Variants in CEP290 observed in about 807,000 individuals in gnomAD.
The protein encoded by CEP290 is centrosomal protein 290.
CEP290 carries 317 observed loss-of-function variants against 344.9 expected under a neutral mutation model. The ratio of observed to expected loss-of-function variants is 0.92; its 90% CI spans 0.84 to 1.01. CEP290 has a LOEUF of 1.01. Ranked by LOEUF, CEP290 falls within the 50% of genes least tolerant of loss-of-function variation. The pLI is 0.00. For synonymous variants in CEP290, 932 were observed against 895.8 expected (o/e 1.04, Z -0.72); for missense variants, 2,754 against 2,761.4 (o/e 1.00, Z 0.06).
intron 26 of CEP290, among the ~76,000 whole-genome samples, chr12:88,097,384 G>A (rs1159449306): frequency 6.6e-6 from 1 of 151,842 alleles, no homozygotes; most frequent in Non-Finnish European, 1.5e-5. Flanking sequence ...TTTCCCCTTT[G>A]CTCGGCTCAC....
chr12:88,072,557 T>C (rs531232066), intron 41 of CEP290, among the ~76,000 whole-genome samples: 12 of 152,302 alleles, frequency 7.9e-5, no homozygotes, highest in Admixed American at 2.0e-4. Flanking sequence ...TTCAGGAGCC[T>C]TTAAATGAAG....
At chr12:88,140,298 T>A (rs1183309847) in intron 3 of CEP290, among the ~76,000 whole-genome samples, 1 of 152,210 alleles carries the variant, frequency 6.6e-6, no homozygotes, top group Non-Finnish European at 1.5e-5. Flanking sequence ...CTACATAATA[T>A]ACTCAGTTTT....
intron 47 of CEP290, among the ~76,000 whole-genome samples, chr12:88,060,241 T>G (rs1331537791): frequency 6.6e-6 from 1 of 152,190 alleles, no homozygotes; most frequent in Non-Finnish European, 1.5e-5. Context: ...TACATATCTG[T>G]GTCAGGACCC....
At chr12:88,051,572 G>A (rs2033537201) in intron 52 of CEP290, 1 of 152,070 alleles carries the variant, frequency 6.6e-6, no homozygotes, top group Admixed American at 6.6e-5. Context: ...AAACAGTTCT[G>A]GTTTGATCTT....
intron 44 of CEP290, among the ~76,000 whole-genome samples, chr12:88,068,175 A>G (rs960610388): frequency 2.0e-5 from 3 of 152,194 alleles, no homozygotes; most frequent in African/African-American, 7.2e-5. Context: ...AAAATATAGC[A>G]TAAATATTTG....
intron 43 of CEP290, among the ~76,000 whole-genome samples, chr12:88,069,253 T>C (rs540806941): frequency 3.3e-5 from 5 of 152,166 alleles, no homozygotes; most frequent in Non-Finnish European, 7.4e-5. Flanking sequence ...TCCTCTTTGA[T>C]ATGCCCCTCC....
At chr12:88,140,850 A>G (rs957556986) in intron 3 of CEP290, 106 bp downstream of exon 3, 2 of 666,354 alleles carry the variant, frequency 3.0e-6, no homozygotes, top group East Asian at 3.1e-5. Context: ...TTTAGTGGTG[A>G]TGTAGATATT....
chr12:88,132,119 A>G (rs1343916419), intron 6 of CEP290, among the ~76,000 whole-genome samples: 1 of 152,226 alleles, frequency 6.6e-6, no homozygotes, highest in African/African-American at 2.4e-5. Flanking sequence ...AATAGCAAAA[A>G]GTAATACAGC....
At chr12:88,095,896 T>C (rs1419751661) in intron 27 of CEP290, among the ~76,000 whole-genome samples, 2 of 152,226 alleles carry the variant, frequency 1.3e-5, no homozygotes, top group Admixed American at 6.5e-5. Context: ...AAGATTTCAA[T>C]ACCTTCTGAG....
chr12:88,092,399 A>C (rs930382514), intron 29 of CEP290, among the ~76,000 whole-genome samples: 6 of 152,090 alleles, frequency 3.9e-5, no homozygotes, highest in Non-Finnish European at 8.8e-5. Context: ...CCCCTTCCCC[A>C]AAAAATCAAT....
intron 20 of CEP290, among the ~76,000 whole-genome samples, chr12:88,112,734 T>C (rs1287221145): frequency 1.3e-5 from 2 of 152,062 alleles, no homozygotes; most frequent in Non-Finnish European, 2.9e-5. Context: ...CTCTAGGTAG[T>C]AGATTTGTAA....
rs1592639705 is a variant in CEP290, at chr12:88,120,124, T to C, written c.1512A>G (p.Arg504=). 5 of 1,544,112 alleles carry C rather than the reference T, an allele frequency of 3.2e-6. No homozygotes were observed. The highest frequency in any genetic ancestry group is 2.6e-6 in the Non-Finnish European group (3 of 1,143,860). The change falls in exon 15 of 54, where the codon AGA becomes AGG. Residue 504 remains arginine (R), a synonymous_variant. Coordinates refer to ENST00000552810, the MANE Select transcript of CEP290 (RefSeq NM_025114.4). ...TAAAACATGGCTTACCCACACGCTC[T>C]CTAAGTGCCTCATTTTCATCAAGGA... The part of the protein sequence containing the change: ...SDFLDENEAL[R]ERVGLEPKTM...
chr12:88,089,967 C>T (rs373660607), intron 30 of CEP290, among the ~76,000 whole-genome samples: 13 of 152,178 alleles, frequency 8.5e-5, no homozygotes, highest in East Asian at 3.9e-4. Context: ...CCTCGTGATC[C>T]GCCTGCCTCG....
chr12:88,130,693 A>G, intron 7 of CEP290, 128 bp from the exon 8 acceptor site: 1 of 606,474 alleles, frequency 1.6e-6, no homozygotes, highest in Non-Finnish European at 2.7e-6. Context: ...TGAATAACCA[A>G]AGAAAGAATA....
In CEP290 at chr12:88,096,975, G is replaced by C. The variant is rs1201691161; in HGVS notation, c.3016C>G (p.Gln1006Glu). The C allele has an allele frequency of 6.4e-7, 1 of 1,557,848 alleles. No individual in the cohort carries two copies. The highest frequency in any genetic ancestry group is 8.7e-7 in the Non-Finnish European group (1 of 1,147,968). ...AGTTCTTTATTTATAGACTCCACTT[G>C]TTCTTTTAAGGAGATGTTTTCACAC... ...LECENISLKE[Q>E]VESINKELEI... is the part of the protein sequence containing the mutation. Residue 1006 changes from glutamine (Q) to glutamate (E), a missense_variant, in exon 27 of 54, where the codon CAA (glutamine) becomes GAA (glutamate). Physicochemically the swap from Gln to Glu is conservative, Grantham distance 29. Transcript: ENST00000552810.
In CEP290 at chr12:88,072,058, T is replaced by A. The variant is rs1490853922; in HGVS notation, c.5710-132A>T. The A allele has an allele frequency of 6.9e-6, 6 of 864,392 alleles. No individual in the cohort carries two copies. The Admixed American group carries it at 2.2e-4, about 32-fold the overall frequency. 53.5% of individuals were successfully genotyped at this position (864,392 alleles called of 1,614,324 possible). ...TAGAGAATATGTAAATATGTTCATT[T>A]TGCTATACAGGTTGAGTATCCCTTA... On this transcript the variant is annotated intron_variant, in intron 41 of 53. Coordinates refer to ENST00000552810, the MANE Select transcript of CEP290 (RefSeq NM_025114.4).
chr12:88,059,628 C>T lies in CEP290; in HGVS notation c.6645+270G>A, dbSNP rs1166876545. 4.6e-5 allele frequency among the ~76,000 whole-genome samples: 7 copies of T among 152,232 alleles called. No homozygotes were observed. The East Asian group carries it at 7.7e-4, about 17-fold the overall frequency. ...TTCACCGTGTTAGCCAGGATGGTCT[C>T]GATCTCCTGACCTCGTGATCCACCC... On this transcript the variant is annotated intron_variant, in intron 48 of 53. Transcript: ENST00000552810.
Position 88,055,577 on chromosome 12 carries a change from T to G in CEP290, c.6959A>C (p.Gln2320Pro), listed in dbSNP as rs780375623. 3 of 1,570,660 alleles carry G rather than the reference T, an allele frequency of 1.9e-6. No homozygotes were observed. Among genetic ancestry groups the G allele is most frequent in the Non-Finnish European group, 2.6e-6 (3 of 1,159,576 alleles). The change falls in exon 50 of 54, where the codon CAG (glutamine) becomes CCG (proline). Residue 2320 changes from glutamine to proline, a missense_variant and splice_region_variant. By Grantham distance (76) the Gln-to-Pro change is moderately conservative. Transcript: ENST00000552810. ...VNKYNEDLEQ[Q>P]IKILKHVPEG... Reference sequence around the variant, plus strand: ...GTAAAGAAAAATTACGTTACTTACCTGTTGTTCAAGGTCTTCATTGTATTT... The same window carrying G: ...GTAAAGAAAAATTACGTTACTTACCGGTTGTTCAAGGTCTTCATTGTATTT...
In CEP290 at chr12:88,137,867, A is replaced by G. The variant is rs2040430156; in HGVS notation, c.298-1081T>C. Among the ~76,000 whole-genome samples, 5 of 152,174 alleles carry G rather than the reference A, an allele frequency of 3.3e-5. 1 individual carries two copies. In the South Asian group the frequency reaches 1.0e-3, roughly 32 times the overall value. ...ATCATTCCTCCATCATCCTATAGAA[A>G]CTTCAGCTGCTTTCTCACAAAATAT... is the stretch of plus-strand genomic sequence containing the variant. On this transcript the variant is annotated intron_variant, in intron 5 of 53. Transcript: ENST00000552810.
Sources: gnomAD v4.1 joint callset for allele counts (sites outside exome capture counted in the v4.1 genomes callset) on GRCh38, gnomAD v4.1.1 for gene constraint, MANE v1.5 for transcripts, NCBI Gene and HGNC (gene_info 2026-07-23, HGNC 2026-07-21) for gene names.